Variants in SLC39A14 observed in about 807,000 individuals in gnomAD.
SLC39A14 encodes metal cation symporter ZIP14.
In SLC39A14, 19 loss-of-function variants were observed where a neutral mutation model predicts 45.5. That is an observed-to-expected ratio of 0.42 (90% CI 0.29 to 0.61). The LOEUF (loss-of-function observed/expected upper bound fraction) is 0.61, where lower values mean the gene tolerates loss of function less well. Among genes scored for constraint, SLC39A14 ranks in the 20% least tolerant of loss-of-function variants. The pLI is 0.22. For synonymous variants in SLC39A14, 264 were observed against 251.3 expected (o/e 1.05, Z -0.48); for missense variants, 447 against 616.5 (o/e 0.73, Z 2.91).
intron 4 of SLC39A14, among the ~76,000 whole-genome samples, chr8:22,412,773 G>A (rs1009198951): frequency 6.6e-6 from 1 of 152,040 alleles, no homozygotes; most frequent in African/African-American, 2.4e-5. Context: ...GTGAAACCCC[G>A]TCTATACTAA....
chr8:22,416,016 G>C, intron 6 of SLC39A14, 57 bp from the exon 7 acceptor site: 1 of 1,607,048 alleles, frequency 6.2e-7, no homozygotes, highest in Non-Finnish European at 8.5e-7. Context: ...GGCTTACCTT[G>C]AGGGCACATG....
At chr8:22,396,594 G>A (rs1462002393) in intron 1 of SLC39A14, among the ~76,000 whole-genome samples, 1 of 95,920 alleles carries the variant, frequency 1.0e-5, no homozygotes, top group Non-Finnish European at 2.2e-5. Context: ...GAGAGAGAGA[G>A]AGAGAAGACT....
At chr8:22,407,545 G>C (rs543189745) in intron 2 of SLC39A14, among the ~76,000 whole-genome samples, 1 of 152,068 alleles carries the variant, frequency 6.6e-6, no homozygotes, top group East Asian at 1.9e-4. Flanking sequence ...ATTTTTAGTA[G>C]AGATGGGGCT....
intron 7 of SLC39A14, among the ~76,000 whole-genome samples, 170 bp from the exon 8 acceptor site, chr8:22,417,481 G>T (rs1232316099): frequency 6.6e-6 from 1 of 152,028 alleles, no homozygotes; most frequent in African/African-American, 2.4e-5. Flanking sequence ...TGTCTCCCAC[G>T]ACCTTGTATG....
At chr8:22,378,508 G>A (rs1833330985) in intron 1 of SLC39A14, among the ~76,000 whole-genome samples, 1 of 152,102 alleles carries the variant, frequency 6.6e-6, no homozygotes, top group African/African-American at 2.4e-5. Flanking sequence ...TACCAGGCAG[G>A]GGCCACTCTC....
rs941538959 is a variant in SLC39A14, at chr8:22,380,358, G to T, written c.-16+12950G>T. On this transcript the variant is annotated intron_variant, in intron 1 of 8. Transcript: ENST00000381237. The stretch of plus-strand genomic sequence containing the variant: ...AGAGCTTAAGTGATTGCAGAGTGTC[G>T]TACTTAGAAGGGACAGCAGTGTTTG... Among the ~76,000 whole-genome samples the T allele has an allele frequency of 2.0e-5, 3 of 152,172 alleles. No individual in the cohort carries two copies. In the South Asian group the frequency reaches 6.2e-4, roughly 32 times the overall value.
At chr8:22,371,767 C>CA (rs1832949948) in intron 1 of SLC39A14, among the ~76,000 whole-genome samples, 1 of 127,714 alleles carries the variant, frequency 7.8e-6, no homozygotes, top group Non-Finnish European at 1.7e-5. Flanking sequence ...TTTTTTGAGA[C>CA]GGAGCCTTGC....
chr8:22,398,796 C>A, intron 1 of SLC39A14: 8 of 978,732 alleles, frequency 8.2e-6, no homozygotes, highest in Non-Finnish European at 9.7e-6. Flanking sequence ...TGAAGGGTGA[C>A]GGTAGGTGGA....
At chr8:22,368,704 T>A (rs1295317095) in intron 1 of SLC39A14, among the ~76,000 whole-genome samples, 1 of 151,774 alleles carries the variant, frequency 6.6e-6, no homozygotes, top group East Asian at 1.9e-4. Context: ...GCCCGGCTAA[T>A]TTTTTGTATT....
intron 8 of SLC39A14, among the ~76,000 whole-genome samples, chr8:22,430,891 T>C (rs1402626823): frequency 6.6e-6 from 1 of 152,122 alleles, no homozygotes; most frequent in Admixed American, 6.6e-5. Flanking sequence ...CAGGCTGGTC[T>C]TTAACTCCTG....
Position 22,428,441 on chromosome 8 carries a change from C to CTTTT in SLC39A14, c.1333-5434_1333-5431dup, listed in dbSNP as rs59846887. 1.1e-4 allele frequency among the ~76,000 whole-genome samples: 13 copies of CTTTT among 116,414 alleles called. 1 individual carries two copies. The highest frequency in any genetic ancestry group is 1.2e-4 in the Non-Finnish European group (7 of 57,440). The allele number at this position is 116,414 out of a possible 152,430, so 76.4% of individuals were successfully genotyped here. A position where few individuals can be genotyped will look rare whatever the true frequency, so the allele number is the denominator to read the frequency against. ...TTTTGTGTTCCTCGGTTCATATGTT[C>CTTTT]TTTTTTTTTTTTTTTTTTTGAGACT... On this transcript the variant is annotated intron_variant, in intron 8 of 8. Coordinates refer to the SLC39A14 transcript ENST00000240095.
chr8:22,409,886 C>T, intron 3 of SLC39A14: 1 of 1,587,344 alleles, frequency 6.3e-7, no homozygotes, highest in Non-Finnish European at 8.6e-7. Context: ...CCGCCCCAGG[C>T]AGCAGGAGTG....
intron 2 of SLC39A14, among the ~76,000 whole-genome samples, 156 bp from the exon 3 acceptor site, chr8:22,408,154 C>T (rs1835337470): frequency 1.3e-5 from 2 of 152,234 alleles, no homozygotes; most frequent in African/African-American, 4.8e-5. Flanking sequence ...GAATACCTTG[C>T]CCTCATCCCT....
intron 8 of SLC39A14, 82 bp from the exon 9 acceptor site, chr8:22,419,470 C>G: frequency 7.2e-7 from 1 of 1,382,746 alleles, no homozygotes; most frequent in Non-Finnish European, 1.0e-6. Context: ...CCAACCTGAT[C>G]TATATCTCCA....
intron 1 of SLC39A14, among the ~76,000 whole-genome samples, chr8:22,384,383 C>A (rs572708604): frequency 2.0e-4 from 31 of 152,038 alleles, no homozygotes; most frequent in African/African-American, 5.5e-4. Context: ...GGCTGCCTGC[C>A]CGCCCGGGCC....
At chr8:22,395,033 CAG>C (rs896576451) in intron 1 of SLC39A14, among the ~76,000 whole-genome samples, 3 of 149,000 alleles carry the variant, frequency 2.0e-5, no homozygotes, top group Admixed American at 6.7e-5. Flanking sequence ...TTTTTTGAGA[CAG>C]AGTCTCACTC....
intron 2 of SLC39A14, among the ~76,000 whole-genome samples, chr8:22,405,250 C>A (rs1044171937): frequency 3.9e-5 from 6 of 152,346 alleles, no homozygotes; most frequent in Non-Finnish European, 8.8e-5. Context: ...CAGTGGCTCA[C>A]GCCTGTAATC....
intron 1 of SLC39A14, among the ~76,000 whole-genome samples, chr8:22,378,528 A>T (rs1434422005): frequency 6.6e-6 from 1 of 152,250 alleles, no homozygotes; most frequent in African/African-American, 2.4e-5. Flanking sequence ...CAGTTCCTAG[A>T]GGCCCCCATA....
At position 22,416,122 on chromosome 8, in the gene SLC39A14, A is replaced by T. The variant is rs753418714; in HGVS notation, c.989A>T (p.Tyr330Phe). ...SACYWLKGVR[Y>F]SDIGTLAWMI... ...TGCTACTGGCTGAAAGGTGTCCGCTACTCTGATATCGGCACTCTGGCCTGG... is the reference window on the plus strand; with the variant it reads ...TGCTACTGGCTGAAAGGTGTCCGCTTCTCTGATATCGGCACTCTGGCCTGG... Residue 330 changes from tyrosine (Y) to phenylalanine (F), a missense_variant, in exon 7 of 9, where the codon TAC becomes TTC. Tyr to Phe is a conservative substitution (Grantham distance 22, BLOSUM62 3). Coordinates refer to ENST00000381237, the MANE Select transcript of SLC39A14 (RefSeq NM_001128431.4). The T allele has an allele frequency of 1.2e-6, 2 of 1,613,708 alleles. No homozygotes were observed. The highest frequency in any genetic ancestry group is 2.7e-5 in the African/African-American group (2 of 74,772).
Sources: allele counts gnomAD v4.1 joint callset (sites outside exome capture counted in the v4.1 genomes callset), GRCh38; gene constraint gnomAD v4.1.1; transcripts MANE v1.5; gene names NCBI Gene and HGNC (gene_info 2026-07-23, HGNC 2026-07-21).